STT3B: variants seen among roughly 807,000 people sequenced by gnomAD.
STT3B encodes the protein dolichyl-diphosphooligosaccharide--protein glycosyltransferase subunit STT3B.
STT3B carries 29 observed loss-of-function variants against 96.8 expected under a neutral mutation model. That is an observed-to-expected ratio of 0.30 (90% confidence interval 0.22 to 0.41). The LOEUF (loss-of-function observed/expected upper bound fraction) is 0.41. STT3B is among the 10% of genes least tolerant of loss of function. The pLI, the probability that STT3B is intolerant of heterozygous loss-of-function variation, is 1.00. For missense variants in STT3B, 640 were observed against 1,022.3 expected, an observed-to-expected ratio of 0.63 and a Z score of 5.10; for synonymous variants, 367 against 360.0, an observed-to-expected ratio of 1.02 and a Z score of -0.22.
At chr3:31,585,493 G>A (rs1167615419) in intron 3 of STT3B, among the ~76,000 whole-genome samples, 1 of 152,092 alleles carries the variant, frequency 6.6e-6, no homozygotes, top group Non-Finnish European at 1.5e-5. Flanking sequence ...ATATGATTCA[G>A]AAAAGTAATT....
At chr3:31,608,692 A>G (rs140689724) in intron 5 of STT3B, among the ~76,000 whole-genome samples, 10 of 152,348 alleles carry the variant, frequency 6.6e-5, no homozygotes, top group East Asian at 5.8e-4. Context: ...TTAAAGGTCT[A>G]TTCTTCTCAT....
intron 5 of STT3B, among the ~76,000 whole-genome samples, chr3:31,601,611 G>T (rs1010809706): frequency 2.0e-5 from 3 of 152,146 alleles, no homozygotes; most frequent in African/African-American, 7.2e-5. Flanking sequence ...GGAGAATGTG[G>T]AGAGGAGAGG....
intron 1 of STT3B, among the ~76,000 whole-genome samples, chr3:31,534,322 ACATTG>A (rs1464401079): frequency 6.6e-6 from 1 of 152,216 alleles, no homozygotes; most frequent in Non-Finnish European, 1.5e-5. Context: ...CTTAGACACT[ACATTG>A]GTCTGTGAAT....
intron 1 of STT3B, among the ~76,000 whole-genome samples, chr3:31,536,709 G>A (rs757729614): frequency 6.6e-6 from 1 of 152,128 alleles, no homozygotes; most frequent in Non-Finnish European, 1.5e-5. Flanking sequence ...AACATTTTTG[G>A]TAACAATTTG....
intron 5 of STT3B, among the ~76,000 whole-genome samples, chr3:31,610,595 T>C (rs903745507): frequency 2.6e-5 from 4 of 152,314 alleles, no homozygotes; most frequent in South Asian, 2.1e-4. Flanking sequence ...CCTTTTCTTT[T>C]CTAGAATAAT....
chr3:31,606,460 T>C (rs1330804884), intron 5 of STT3B, among the ~76,000 whole-genome samples: 1 of 151,880 alleles, frequency 6.6e-6, no homozygotes. Context: ...GTGTCCCAGC[T>C]GCTCTAGCCA....
At chr3:31,537,018 TAGC>T (rs1412751462) in intron 1 of STT3B, among the ~76,000 whole-genome samples, 2 of 152,246 alleles carry the variant, frequency 1.3e-5, no homozygotes, top group Admixed American at 6.5e-5. Flanking sequence ...TTCCCTGCCT[TAGC>T]AGGTTATAAA....
At chr3:31,592,965 T>G (rs1159767009) in intron 3 of STT3B, among the ~76,000 whole-genome samples, 1 of 152,204 alleles carries the variant, frequency 6.6e-6, no homozygotes, top group Non-Finnish European at 1.5e-5. Context: ...CACTTCTGTC[T>G]GCTCTTCTAT....
At chr3:31,572,706 A>G (rs1698187006) in intron 1 of STT3B, among the ~76,000 whole-genome samples, 1 of 152,182 alleles carries the variant, frequency 6.6e-6, no homozygotes, top group Non-Finnish European at 1.5e-5. Flanking sequence ...TACAAAGCAT[A>G]AAACATTAGC....
chr3:31,588,671 T>C (rs1698600160), intron 3 of STT3B, among the ~76,000 whole-genome samples: 1 of 152,116 alleles, frequency 6.6e-6, no homozygotes, highest in Non-Finnish European at 1.5e-5. Flanking sequence ...CTGTGATTCA[T>C]TTTGAGTTAT....
At chr3:31,601,802 T>TCTCAACAAA in intron 5 of STT3B, among the ~76,000 whole-genome samples, 2 of 152,320 alleles carry the variant, frequency 1.3e-5, no homozygotes, top group Non-Finnish European at 2.9e-5. Context: ...AAAAGCATAG[T>TCTCAACAAA]ATATTACATT....
intron 3 of STT3B, among the ~76,000 whole-genome samples, chr3:31,594,482 T>C (rs1003865268): frequency 2.0e-5 from 3 of 151,738 alleles, no homozygotes. Flanking sequence ...CAGGCTGGAA[T>C]GCAGTGGTGT....
At chr3:31,635,429 G>A (rs1699738101) in intron 15 of STT3B, among the ~76,000 whole-genome samples, 1 of 152,142 alleles carries the variant, frequency 6.6e-6, no homozygotes, top group Non-Finnish European at 1.5e-5. Flanking sequence ...TGAAACTGAA[G>A]GAATATTGTT....
intron 4 of STT3B, among the ~76,000 whole-genome samples, chr3:31,598,063 T>C (rs1698833829): frequency 6.6e-6 from 1 of 152,064 alleles, no homozygotes; most frequent in Admixed American, 6.5e-5. Context: ...CTCAAACTCC[T>C]GACCTCAAGT....
intron 5 of STT3B, among the ~76,000 whole-genome samples, chr3:31,602,605 A>T (rs545385630): frequency 6.6e-6 from 1 of 151,538 alleles, no homozygotes; most frequent in South Asian, 2.1e-4. Flanking sequence ...TAACCTTAGC[A>T]CCAAGATTTC....
intron 3 of STT3B, among the ~76,000 whole-genome samples, chr3:31,594,281 ACTGT>A (rs752285614): frequency 9.9e-5 from 15 of 151,854 alleles, no homozygotes; most frequent in Non-Finnish European, 2.2e-4. Context: ...CATTTCTGAC[ACTGT>A]CTGTCTGGAG....
At chr3:31,541,744 T>C (rs779574177) in intron 1 of STT3B, among the ~76,000 whole-genome samples, 16 of 152,062 alleles carry the variant, frequency 1.1e-4, no homozygotes, top group Non-Finnish European at 1.6e-4. Flanking sequence ...GCCCGGCTAA[T>C]TTTTTGTGTT....
In STT3B at chr3:31,623,723, G is replaced by T; in HGVS notation, c.1589G>T (p.Gly530Val). Residue 530 changes from glycine to valine, a missense_variant, in exon 11 of 16, where the codon GGA becomes GTA. This residue lies in a region of STT3B where 149 missense variants were observed against 250.2 expected (regional missense o/e 0.60). Coordinates refer to ENST00000295770, the MANE Select transcript of STT3B (RefSeq NM_178862.3). Reference sequence around the variant, plus strand: ...ACTGAACAGGAAAAAACTGAAGAGGGATTAGGCCCTAATATAAAAAGCATT... The same window carrying T: ...ACTGAACAGGAAAAAACTGAAGAGGTATTAGGCCCTAATATAAAAAGCATT... ...HATEQEKTEE[G>V]LGPNIKSIVT... is the part of the protein sequence containing the mutation. The T allele has an allele frequency of 6.2e-7, 1 of 1,613,902 alleles. No homozygotes were observed. Among genetic ancestry groups the T allele is most frequent in the Non-Finnish European group, 8.5e-7 (1 of 1,179,874 alleles).
chr3:31,550,101 G>T (rs1394361139), intron 1 of STT3B, among the ~76,000 whole-genome samples: 1 of 151,910 alleles, frequency 6.6e-6, no homozygotes, highest in East Asian at 1.9e-4. Context: ...TTATAAATCA[G>T]AATAGACCCT....
Sources: allele counts gnomAD v4.1 joint callset (sites outside exome capture counted in the v4.1 genomes callset), GRCh38; gene constraint gnomAD v4.1.1; regional missense constraint gnomAD v4.1.1; transcripts MANE v1.5; gene names NCBI Gene and HGNC (gene_info 2026-07-23, HGNC 2026-07-21).